GABPA: variants seen among roughly 807,000 people sequenced by gnomAD.
GABPA encodes the protein GA-binding protein alpha chain.
In GABPA, 4 loss-of-function variants were observed where a neutral mutation model predicts 59.4. That is an observed-to-expected ratio of 0.07 (90% CI 0.03 to 0.15). The LOEUF (loss-of-function observed/expected upper bound fraction) is 0.15, where lower values mean the gene tolerates loss of function less well. Ranked by LOEUF, GABPA falls within the 10% of genes least tolerant of loss-of-function variation. The pLI, the probability that GABPA is intolerant of heterozygous loss-of-function variation, is 1.00. For missense variants in GABPA, 251 were observed against 543.8 expected (o/e 0.46, Z 5.36); for synonymous variants, 164 against 183.1 (o/e 0.90, Z 0.84).
At chr21:25,767,632 T>TC (rs1219767236) in intron 9 of GABPA, among the ~76,000 whole-genome samples, 1 of 152,064 alleles carries the variant, frequency 6.6e-6, no homozygotes, top group Non-Finnish European at 1.5e-5. Context: ...TTCCTTTTTT[T>TC]CCCCACGTAT....
At chr21:25,765,474 C>T (rs2035868531) in intron 9 of GABPA, among the ~76,000 whole-genome samples, 1 of 151,934 alleles carries the variant, frequency 6.6e-6, no homozygotes, top group African/African-American at 2.4e-5. Flanking sequence ...AGCTCACACA[C>T]ACACACTCTC....
intron 5 of GABPA, 78 bp downstream of exon 5, chr21:25,752,312 A>T: frequency 1.5e-6 from 2 of 1,373,410 alleles, no homozygotes; most frequent in Non-Finnish European, 2.0e-6. Context: ...GGTAAGTTAT[A>T]ATCTATTTTA....
intron 6 of GABPA, 102 bp downstream of exon 6, chr21:25,758,306 TAAG>T (rs2035685978): frequency 1.3e-6 from 1 of 780,610 alleles, no homozygotes; most frequent in Non-Finnish European, 2.0e-6. Context: ...TGATAAGTAA[TAAG>T]CAATAATAAT....
intron 3 of GABPA, among the ~76,000 whole-genome samples, chr21:25,746,809 A>T (rs561329331): frequency 6.6e-6 from 1 of 152,226 alleles, no homozygotes; most frequent in African/African-American, 2.4e-5. Flanking sequence ...TCAGCAAATT[A>T]TTCCTACAGA....
chr21:25,742,356 A>G (rs2035243250), intron 2 of GABPA, among the ~76,000 whole-genome samples: 1 of 68,706 alleles, frequency 1.5e-5, no homozygotes, highest in Non-Finnish European at 2.7e-5. Flanking sequence ...TGAAAGTAAA[A>G]GGGATTGAAA....
At chr21:25,751,515 C>T (rs1225454270) in intron 4 of GABPA, among the ~76,000 whole-genome samples, 1 of 151,468 alleles carries the variant, frequency 6.6e-6, no homozygotes, top group Admixed American at 6.6e-5. Context: ...GTAAATTTGG[C>T]ATAATTTTTA....
rs2035773694 is a variant in GABPA at position 25,761,917 on chromosome 21, C to A, written c.749-395C>A. On this transcript the variant is annotated intron_variant, in intron 6 of 9. Coordinates refer to ENST00000400075, the MANE Select transcript of GABPA (RefSeq NM_002040.4). ...GTTATAACAAATAATGGGAAGGAGG[C>A]CTTTTTGGTGGAGATACGTACCTAA... Among the ~76,000 whole-genome samples the A allele has an allele frequency of 2.0e-5, 3 of 152,084 alleles. No individual in the cohort carries two copies. The South Asian group carries it at 6.2e-4, about 32-fold the overall frequency.
In GABPA at chr21:25,758,101, C is replaced by T. The variant is rs1482151655; in HGVS notation, c.645C>T (p.Leu215=). The change falls in exon 6 of 10, where the codon CTC becomes CTT. Residue 215 remains leucine, a synonymous_variant. Transcript: ENST00000400075. Reference sequence around the variant, plus strand: ...TGACCGATATAGACCTCACCACACTCAACATTTCGGGGAGAGAATTATGTA... The same window carrying T: ...TGACCGATATAGACCTCACCACACTTAACATTTCGGGGAGAGAATTATGTA... ...FSMTDIDLTT[L]NISGRELCSL... 5.0e-6 allele frequency: 8 copies of T among 1,610,770 alleles called. No individual in the cohort carries two copies. Among genetic ancestry groups the T allele is most frequent in the East Asian group, 2.2e-5 (1 of 44,776 alleles).
chr21:25,735,918 A>G (rs2035039716), intron 1 of GABPA, among the ~76,000 whole-genome samples: 1 of 152,124 alleles, frequency 6.6e-6, no homozygotes, highest in Admixed American at 6.5e-5. Flanking sequence ...CAGCAGTCTC[A>G]GCCTGCTCAG....
intron 1 of GABPA, among the ~76,000 whole-genome samples, chr21:25,735,884 C>T (rs1422462396): frequency 2.6e-5 from 4 of 151,572 alleles, no homozygotes. Flanking sequence ...TTTCCGCGTC[C>T]CCTCCTCGCC....
intron 3 of GABPA, 148 bp from the exon 4 acceptor site, chr21:25,748,888 G>C: frequency 1.6e-6 from 1 of 617,828 alleles, no homozygotes; most frequent in Non-Finnish European, 2.9e-6. Context: ...AATTAAATAT[G>C]ACAAGCTAAA....
At chr21:25,768,236 T>C (rs1411937801) in intron 9 of GABPA, among the ~76,000 whole-genome samples, 1 of 151,990 alleles carries the variant, frequency 6.6e-6, no homozygotes, top group African/African-American at 2.4e-5. Context: ...AGAAACATTG[T>C]CTCTTTGCAA....
intron 1 of GABPA, among the ~76,000 whole-genome samples, chr21:25,739,968 A>C (rs770667451): frequency 3.9e-5 from 6 of 152,174 alleles, no homozygotes; most frequent in Non-Finnish European, 8.8e-5. Flanking sequence ...TTGACTGAGA[A>C]TAGACTGTGA....
chr21:25,751,647 T>G (rs1051044390), intron 4 of GABPA, among the ~76,000 whole-genome samples: 1 of 152,102 alleles, frequency 6.6e-6, no homozygotes, highest in Admixed American at 6.5e-5. Flanking sequence ...CTGCCTAGTC[T>G]AATTTTTATT....
At chr21:25,736,575 A>T in intron 1 of GABPA, among the ~76,000 whole-genome samples, 1 of 152,232 alleles carries the variant, frequency 6.6e-6, no homozygotes, top group East Asian at 1.9e-4. Flanking sequence ...AGCATCTGTC[A>T]TGAGGCATGT....
chr21:25,748,962 A>G, intron 3 of GABPA, 74 bp from the exon 4 acceptor site: 1 of 876,898 alleles, frequency 1.1e-6, no homozygotes, highest in Middle Eastern at 2.2e-4. Flanking sequence ...ACATCCATTT[A>G]TTCTAAACCA....
At chr21:25,764,863 A>G in intron 9 of GABPA, 76 bp downstream of exon 9, 3 of 1,076,714 alleles carry the variant, frequency 2.8e-6, no homozygotes, top group Non-Finnish European at 2.6e-6. Flanking sequence ...TCTAGATGTA[A>G]TAAGCATTGT....
At position 25,741,682 on chromosome 21, in the gene GABPA, G is replaced by C; in HGVS notation, c.77+7G>C. The C allele has an allele frequency of 6.3e-7, 1 of 1,585,006 alleles. No homozygotes were observed. The highest frequency in any genetic ancestry group is 1.1e-5 in the South Asian group (1 of 87,636). On this transcript the variant is annotated splice_region_variant and intron_variant, in intron 2 of 9. Transcript: ENST00000400075. ...CAGAGTGCACAGAAGAAAGGTTGGT[G>C]TTTCTGAATTTATCATTTTTTTTCA...
At chr21:25,766,220 A>G (rs1228912694) in intron 9 of GABPA, among the ~76,000 whole-genome samples, 1 of 152,006 alleles carries the variant, frequency 6.6e-6, no homozygotes, top group Non-Finnish European at 1.5e-5. Flanking sequence ...TTTACTCTCC[A>G]TCTCTGGGGA....
Sources: allele counts gnomAD v4.1 joint callset (sites outside exome capture counted in the v4.1 genomes callset), GRCh38; gene constraint gnomAD v4.1.1; transcripts MANE v1.5; gene names NCBI Gene and HGNC (gene_info 2026-07-23, HGNC 2026-07-21).